Variants in UGT2B15 observed in about 807,000 individuals in gnomAD.
UGT2B15 encodes the protein UDP-glucuronosyltransferase 2B15.
Under a neutral mutation model 45.9 loss-of-function variants are expected in UGT2B15, and 36 were observed. The ratio of observed to expected loss-of-function variants is 0.78; its 90% CI spans 0.60 to 1.04. The LOEUF is 1.04. UGT2B15 is among the 50% of genes least tolerant of loss of function. The probability of loss-of-function intolerance (pLI) is 0.00; values close to 1 mark genes in which losing one functional copy is unlikely to be tolerated. For missense variants in UGT2B15, 617 were observed against 622.4 expected, an observed-to-expected ratio of 0.99 and a Z score of 0.09; for synonymous variants, 219 against 216.4, an observed-to-expected ratio of 1.01 and a Z score of -0.11.
chr4:68,652,175 A>G (rs1265818630), intron 5 of UGT2B15, among the ~76,000 whole-genome samples: 2 of 151,568 alleles, frequency 1.3e-5, no homozygotes, highest in East Asian at 3.9e-4. Context: ...CTCTCTGTCA[A>G]ATCATGTACT....
At chr4:68,657,713 T>A (rs571848622) in intron 3 of UGT2B15, among the ~76,000 whole-genome samples, 15 of 152,010 alleles carry the variant, frequency 9.9e-5, no homozygotes, top group Admixed American at 1.3e-4. Context: ...TCTCTCTTTT[T>A]AAAAAAAATT....
At chr4:68,659,227 T>C (rs1732893288) in intron 3 of UGT2B15, among the ~76,000 whole-genome samples, 1 of 152,008 alleles carries the variant, frequency 6.6e-6, no homozygotes, top group Admixed American at 6.6e-5. Context: ...TTGCCTTTTT[T>C]TGAAATCCTT....
At position 68,651,953 on chromosome 4, in the gene UGT2B15, A is replaced by T. The variant is rs147960851; in HGVS notation, c.1313+2084T>A. ...ATGGGAATAGCTTTGAATATATAAAATACTTTGGGCAGCATGGCCATTTTT... is the reference window on the plus strand; with the variant it reads ...ATGGGAATAGCTTTGAATATATAAATTACTTTGGGCAGCATGGCCATTTTT... On this transcript the variant is annotated intron_variant, in intron 5 of 5. Coordinates refer to ENST00000338206, the MANE Select transcript of UGT2B15 (RefSeq NM_001076.4). 5.8e-3 allele frequency among the ~76,000 whole-genome samples: 888 copies of T among 152,082 alleles called. 11 individuals are homozygous for T. Among genetic ancestry groups the T allele is most frequent in the African/African-American group, 0.02 (826 of 41,480 alleles).
intron 5 of UGT2B15, among the ~76,000 whole-genome samples, chr4:68,648,265 G>T (rs924288108): frequency 1.3e-5 from 2 of 152,036 alleles, no homozygotes; most frequent in African/African-American, 4.8e-5. Flanking sequence ...GCACCTACTT[G>T]TCCTAGCCCT....
intron 4 of UGT2B15, among the ~76,000 whole-genome samples, chr4:68,654,771 G>A (rs1177572184): frequency 6.6e-6 from 1 of 151,828 alleles, no homozygotes; most frequent in Non-Finnish European, 1.5e-5. Context: ...CCCTGCAGTA[G>A]GGGAAAGAAC....
chr4:68,652,258 T>C (rs1386908172), intron 5 of UGT2B15, among the ~76,000 whole-genome samples: 3 of 152,108 alleles, frequency 2.0e-5, no homozygotes, highest in Admixed American at 2.0e-4. Context: ...AAGTTGCTTA[T>C]CAGCTTAAGG....
chr4:68,669,817 A>G, intron 1 of UGT2B15, 78 bp downstream of exon 1: 3 of 1,510,066 alleles, frequency 2.0e-6, no homozygotes, highest in Non-Finnish European at 2.7e-6. Context: ...ATCTTCTGAC[A>G]TTATATTTAT....
intron 2 of UGT2B15, 48 bp from the exon 3 acceptor site, chr4:68,663,187 A>C: frequency 6.4e-7 from 1 of 1,570,692 alleles, no homozygotes; most frequent in Non-Finnish European, 8.6e-7. Context: ...CAGCACAGAA[A>C]ACACTATTGA....
rs776711871 is a variant in UGT2B15 at position 68,655,130 on chromosome 4, C to T, written c.1058G>A (p.Arg353Gln). 1.4e-5 allele frequency: 23 copies of T among 1,613,198 alleles called. No individual in the cohort carries two copies. Among genetic ancestry groups the T allele is most frequent in the South Asian group, 3.3e-5 (3 of 91,056 alleles). ...KKPNTLGSNTRLYKWLPQNDL... is the reference protein window; with the variant it reads ...KKPNTLGSNTQLYKWLPQNDL... ...ATTCTGGGGTAACCACTTGTACAGT[C>T]GAGTATTGGAACCTAAAGTATTTGG... The change falls in exon 4 of 6, where the codon CGA becomes CAA. Residue 353 changes from arginine (R) to glutamine (Q), a missense_variant. This residue lies in a region of UGT2B15 where 265 missense variants were observed against 245.1 expected (regional missense o/e 1.08). Coordinates refer to ENST00000338206, the MANE Select transcript of UGT2B15 (RefSeq NM_001076.4).
intron 4 of UGT2B15, among the ~76,000 whole-genome samples, 200 bp from the exon 5 acceptor site, chr4:68,654,456 A>G (rs1732745392): frequency 1.8e-5 from 2 of 110,226 alleles, no homozygotes; most frequent in African/African-American, 5.1e-5. Context: ...TTAAAAAATT[A>G]AAATGTGCAA....
At chr4:68,664,434 A>G (rs997732823) in intron 2 of UGT2B15, among the ~76,000 whole-genome samples, 2 of 152,090 alleles carry the variant, frequency 1.3e-5, no homozygotes, top group African/African-American at 4.8e-5. Context: ...CATAACAAAT[A>G]TACTTTCTGG....
At chr4:68,666,096 T>TTCCCCC (rs1214673631) in intron 2 of UGT2B15, among the ~76,000 whole-genome samples, 4 of 152,188 alleles carry the variant, frequency 2.6e-5, no homozygotes, top group Non-Finnish European at 5.9e-5. Context: ...CTACTGGCAC[T>TTCCCCC]ATCACTTTCT....
rs138652347 is a variant in UGT2B15 at position 68,667,598 on chromosome 4, T to C, written c.873+442A>G. On this transcript the variant is annotated intron_variant, in intron 2 of 5. Coordinates refer to ENST00000338206, the MANE Select transcript of UGT2B15 (RefSeq NM_001076.4). ...TCTTCTGCATATTTCTTTATCATTGTGGTCTTTCCTTATAACACTTTTTAG... is the reference window on the plus strand; with the variant it reads ...TCTTCTGCATATTTCTTTATCATTGCGGTCTTTCCTTATAACACTTTTTAG... Among the ~76,000 whole-genome samples, 893 of 152,274 alleles carry C rather than the reference T, an allele frequency of 5.9e-3. 3 individuals carry two copies. The highest frequency in any genetic ancestry group is 8.3e-3 in the Non-Finnish European group (566 of 68,026).
intron 2 of UGT2B15, among the ~76,000 whole-genome samples, chr4:68,664,496 G>C (rs1733062018): frequency 6.6e-6 from 1 of 151,634 alleles, no homozygotes; most frequent in Admixed American, 6.6e-5. Flanking sequence ...AATAAAAAAA[G>C]AAATTCTAAA....
chr4:68,670,328 C>A lies in UGT2B15; in HGVS notation c.291G>T (p.Trp97Cys). The A allele has an allele frequency of 6.2e-7, 1 of 1,613,818 alleles. No homozygotes were observed. The highest frequency in any genetic ancestry group is 8.5e-7 in the Non-Finnish European group (1 of 1,179,938). Residue 97 changes from tryptophan (W) to cysteine (C), a missense_variant, in exon 1 of 6, where the codon TGG becomes TGT. Trp to Cys is a radical substitution (Grantham distance 215, BLOSUM62 -2). Transcript: ENST00000338206. ...ATGTATTTTTTGAAACACCATATAT[C>A]CATCTATCGAGAATTTTCAGAAGAG... is the stretch of plus-strand genomic sequence containing the variant. ...EDSLLKILDR[W>C]IYGVSKNTFW...
chr4:68,650,722 C>T (rs1732628727), intron 5 of UGT2B15, among the ~76,000 whole-genome samples: 1 of 152,048 alleles, frequency 6.6e-6, no homozygotes, highest in African/African-American at 2.4e-5. Context: ...GGAATCACCA[C>T]ACTGTTTTCC....
chr4:68,649,397 A>G (rs544067280), intron 5 of UGT2B15, among the ~76,000 whole-genome samples: 4 of 149,490 alleles, frequency 2.7e-5, no homozygotes, highest in East Asian at 4.0e-4. Flanking sequence ...TCATGCCTCA[A>G]TCTCCCAAGT....
At chr4:68,649,943 C>T (rs1732602847) in intron 5 of UGT2B15, among the ~76,000 whole-genome samples, 1 of 151,802 alleles carries the variant, frequency 6.6e-6, no homozygotes, top group African/African-American at 2.4e-5. Context: ...AGTGATTCTC[C>T]TGCCTCAACC....
At chr4:68,651,079 A>T (rs1394824760) in intron 5 of UGT2B15, among the ~76,000 whole-genome samples, 3 of 151,210 alleles carry the variant, frequency 2.0e-5, no homozygotes, top group East Asian at 1.9e-4. Flanking sequence ...AGATTGCAAA[A>T]ATCTTCCCTC....
Sources: gnomAD v4.1 joint callset for allele counts (sites outside exome capture counted in the v4.1 genomes callset) on GRCh38, gnomAD v4.1.1 for gene constraint, gnomAD v4.1.1 regional missense constraint, MANE v1.5 for transcripts, NCBI Gene and HGNC (gene_info 2026-07-23, HGNC 2026-07-21) for gene names.